Variants in RIC1 observed in about 807,000 individuals in gnomAD.
RIC1 encodes guanine nucleotide exchange factor subunit RIC1.
A neutral mutation model predicts 169.0 loss-of-function variants in RIC1; 88 were observed. That is an observed-to-expected ratio of 0.52 (90% CI 0.44 to 0.62). The LOEUF (loss-of-function observed/expected upper bound fraction) is 0.62, where lower values mean the gene tolerates loss of function less well. RIC1 is among the 20% of genes least tolerant of loss of function. The pLI, the probability that RIC1 is intolerant of heterozygous loss-of-function variation, is 0.00. For missense variants in RIC1, 1,877 were observed against 1,725.5 expected (o/e 1.09, Z -1.56); for synonymous variants, 790 against 601.5 (o/e 1.31, Z -4.59).
intron 2 of RIC1, among the ~76,000 whole-genome samples, chr9:5,675,034 G>A (rs1425168991): frequency 6.6e-6 from 1 of 152,076 alleles, no homozygotes; most frequent in East Asian, 1.9e-4. Context: ...TTCTATAGAG[G>A]GGTGCGCCCT....
intron 3 of RIC1, among the ~76,000 whole-genome samples, chr9:5,703,151 A>G (rs1822340917): frequency 6.6e-6 from 1 of 152,212 alleles, no homozygotes; most frequent in Non-Finnish European, 1.5e-5. Flanking sequence ...ATCTGAGACA[A>G]AACTAGTCTC....
intron 1 of RIC1, among the ~76,000 whole-genome samples, chr9:5,645,268 T>G (rs1038787796): frequency 1.3e-5 from 2 of 152,152 alleles, no homozygotes; most frequent in Non-Finnish European, 2.9e-5. Context: ...CCCAGGCTGG[T>G]CTTAAACTCC....
In RIC1 at chr9:5,763,715, C is replaced by T; in HGVS notation, c.2688C>T (p.Leu896=). The T allele has an allele frequency of 6.2e-7, 1 of 1,614,194 alleles. No homozygotes were observed. The highest frequency in any genetic ancestry group is 2.2e-5 in the East Asian group (1 of 44,874). Reference sequence around the variant, plus strand: ...CAAAATTTATCACTGAGTTCCCCCTCTTCCTGCAGACAGTTGTCCATTGTG... The same window carrying T: ...CAAAATTTATCACTGAGTTCCCCCTTTTCCTGCAGACAGTTGTCCATTGTG... ...TVAKFITEFP[L]FLQTVVHCAR... The change falls in exon 19 of 26, where the codon CTC becomes CTT. Residue 896 remains leucine (L), a synonymous_variant. Coordinates refer to ENST00000414202, the MANE Select transcript of RIC1 (RefSeq NM_020829.4). This position sits in a 1 kb window ranked among gnomAD's most constrained non-coding sequence, Gnocchi z 5.2.
In RIC1 at chr9:5,757,401, C is replaced by T; in HGVS notation, c.1942C>T (p.Leu648=). 6.2e-7 allele frequency: 1 copy of T among 1,614,000 alleles called. No homozygotes were observed. The highest frequency in any genetic ancestry group is 8.5e-7 in the Non-Finnish European group (1 of 1,179,882). ...CCCTTTCCTGGTGGTATCTGTCACT[C>T]TGACATCAGTGAGTACAGAGAATGG... ...PHPFLVVSVT[L]TSVSTENGIT... is the part of the protein sequence containing the mutation. The change falls in exon 17 of 26, where the codon CTG becomes TTG. Residue 648 remains leucine, a synonymous_variant. Transcript: ENST00000414202.
chr9:5,667,843 A>G (rs1265568876), intron 2 of RIC1, among the ~76,000 whole-genome samples: 3 of 151,742 alleles, frequency 2.0e-5, no homozygotes, highest in Non-Finnish European at 4.4e-5. Flanking sequence ...TACTGTTCCA[A>G]CCTCTGCCAG....
intron 2 of RIC1, among the ~76,000 whole-genome samples, chr9:5,677,019 T>C (rs191392940): frequency 1.3e-5 from 2 of 152,250 alleles, no homozygotes; most frequent in Admixed American, 1.3e-4. Flanking sequence ...GATGCGTATT[T>C]CCTTTTCTGT....
intron 21 of RIC1, 30 bp from the exon 22 acceptor site, chr9:5,768,940 T>A: frequency 6.3e-7 from 1 of 1,579,258 alleles, no homozygotes; most frequent in Non-Finnish European, 8.6e-7. Flanking sequence ...TAAAGATTAT[T>A]CTGTAGCTTT....
At chr9:5,730,483 T>C (rs1299174945) in intron 6 of RIC1, among the ~76,000 whole-genome samples, 2 of 152,194 alleles carry the variant, frequency 1.3e-5, no homozygotes, top group Non-Finnish European at 2.9e-5. Flanking sequence ...GATTCCATTT[T>C]AGGTAAAAAT....
At chr9:5,743,358 A>G (rs1178834515) in intron 9 of RIC1, among the ~76,000 whole-genome samples, 1 of 152,146 alleles carries the variant, frequency 6.6e-6, no homozygotes, top group Non-Finnish European at 1.5e-5. Flanking sequence ...ACGTTATCTC[A>G]TTAGGTTAAT....
At chr9:5,678,689 G>T (rs1265718181) in intron 2 of RIC1, among the ~76,000 whole-genome samples, 1 of 151,806 alleles carries the variant, frequency 6.6e-6, no homozygotes, top group African/African-American at 2.4e-5. Context: ...ACTTTTTGAT[G>T]GGGTTGTTTT....
In RIC1 at chr9:5,765,402, T is replaced by G. The variant is rs375143794; in HGVS notation, c.2842-12T>G. 1.1e-4 allele frequency: 177 copies of G among 1,607,730 alleles called. No homozygotes were observed. The highest frequency in any genetic ancestry group is 1.9e-4 in the Admixed American group (11 of 58,538). ...AGTATAAAAAGAATGCTGTCCTGGT[T>G]GTTTTTTGTAGAATATGGAAGTCCC... On this transcript the variant is annotated splice_polypyrimidine_tract_variant and intron_variant, in intron 19 of 25. Transcript: ENST00000414202.
chr9:5,751,178 G>C (rs972203566), intron 12 of RIC1, among the ~76,000 whole-genome samples: 1 of 151,730 alleles, frequency 6.6e-6, no homozygotes, highest in African/African-American at 2.4e-5. Context: ...TTTGAGGGAG[G>C]TAAGGATTCC....
chr9:5,673,740 G>A (rs1414104526), intron 2 of RIC1, among the ~76,000 whole-genome samples: 2 of 151,576 alleles, frequency 1.3e-5, no homozygotes, highest in Non-Finnish European at 2.9e-5. Context: ...CAAATTGCAT[G>A]GTAATGTGTA....
At chr9:5,710,412 C>G (rs1822861634) in intron 3 of RIC1, among the ~76,000 whole-genome samples, 1 of 152,100 alleles carries the variant, frequency 6.6e-6, no homozygotes, top group Non-Finnish European at 1.5e-5. Flanking sequence ...CTTTGATATC[C>G]CAGGCAGGTT....
At chr9:5,705,420 A>G (rs576670675) in intron 3 of RIC1, among the ~76,000 whole-genome samples, 72 of 152,238 alleles carry the variant, frequency 4.7e-4, no homozygotes, top group African/African-American at 1.7e-3. Flanking sequence ...ATGCTATTGT[A>G]AATGGAGTTG....
chr9:5,743,611 T>G, intron 9 of RIC1, 78 bp from the exon 10 acceptor site: 1 of 1,207,962 alleles, frequency 8.3e-7, no homozygotes, highest in East Asian at 2.4e-5. Flanking sequence ...CCGTTTGATT[T>G]TTTAAAAAAC....
intron 4 of RIC1, among the ~76,000 whole-genome samples, chr9:5,714,618 G>A (rs1045160568): frequency 1.8e-4 from 27 of 151,824 alleles, no homozygotes; most frequent in African/African-American, 4.8e-5. Flanking sequence ...TAAACGATAC[G>A]CAGCTGTAAA....
chr9:5,646,759 G>T (rs981032887), intron 1 of RIC1, among the ~76,000 whole-genome samples: 2 of 152,036 alleles, frequency 1.3e-5, no homozygotes, highest in Non-Finnish European at 2.9e-5. Flanking sequence ...TGTTTCAAGG[G>T]TTACATTTTT....
At chr9:5,723,596 C>A (rs887115372) in intron 6 of RIC1, among the ~76,000 whole-genome samples, 6 of 152,140 alleles carry the variant, frequency 3.9e-5, no homozygotes, top group Admixed American at 1.3e-4. Flanking sequence ...GCTTTTGTTG[C>A]CATTGCTTTT....
Sources: allele counts gnomAD v4.1 joint callset (sites outside exome capture counted in the v4.1 genomes callset), GRCh38; gene constraint gnomAD v4.1.1; non-coding constraint Gnocchi (gnomAD v3.1); transcripts MANE v1.5; gene names NCBI Gene and HGNC (gene_info 2026-07-23, HGNC 2026-07-21).